MMP24: variants seen among roughly 807,000 people sequenced by gnomAD.
The protein encoded by MMP24 is matrix metalloproteinase-24.
In MMP24, 25 loss-of-function variants were observed where a neutral mutation model predicts 62.8. The ratio of observed to expected loss-of-function variants is 0.40; its 90% confidence interval spans 0.29 to 0.56. MMP24 has a LOEUF of 0.56. Ranked by LOEUF, MMP24 falls within the 20% of genes least tolerant of loss-of-function variation. The probability of loss-of-function intolerance (pLI) is 0.50; values close to 1 mark genes in which losing one functional copy is unlikely to be tolerated. For synonymous variants in MMP24, 319 were observed against 350.5 expected (o/e 0.91, Z 1.00); for missense variants, 634 against 853.6 (o/e 0.74, Z 3.21).
intron 4 of MMP24, among the ~76,000 whole-genome samples, chr20:35,256,644 G>A (rs564273565): frequency 6.7e-6 from 1 of 150,128 alleles, no homozygotes; most frequent in Non-Finnish European, 1.5e-5. Flanking sequence ...CCTTGAACCC[G>A]GGAGGCGGAG....
Position 35,275,846 on chromosome 20 carries a change from C to A in MMP24, c.*1237C>A. On this transcript the variant is annotated 3_prime_UTR_variant, in exon 9 of 9. Coordinates refer to ENST00000246186, the MANE Select transcript of MMP24 (RefSeq NM_006690.4). ...ACTGCTCTTAGAAGGACACCCCTAC[C>A]GGTAGCAGCCCCAAGCTGAGGGGGC... is the stretch of plus-strand genomic sequence containing the variant. 1 of 396,456 alleles carries A rather than the reference C, an allele frequency of 2.5e-6. No homozygotes were observed. Among genetic ancestry groups the A allele is most frequent in the South Asian group, 1.4e-4 (1 of 6,998 alleles). 24.6% of individuals were successfully genotyped at this position (396,456 alleles called of 1,614,324 possible).
Position 35,248,772 on chromosome 20 carries a change from TG to T in MMP24, c.395+1786del, listed in dbSNP as rs200019861. Among the ~76,000 whole-genome samples the T allele has an allele frequency of 5.2e-3, 795 of 152,320 alleles. 3 individuals carry two copies. The highest frequency in any genetic ancestry group is 8.6e-3 in the Non-Finnish European group (583 of 68,028). The stretch of plus-strand genomic sequence containing the variant: ...GAATACAGTGGACTCCTTGGCCCCG[TG>T]GTCTCCAGAGTGGGCTGGTTAAAGA... On this transcript the variant is annotated intron_variant, in intron 2 of 8. Coordinates refer to ENST00000246186, the MANE Select transcript of MMP24 (RefSeq NM_006690.4).
At chr20:35,262,227 TA>T (rs1395804125) in intron 4 of MMP24, among the ~76,000 whole-genome samples, 4 of 152,024 alleles carry the variant, frequency 2.6e-5, no homozygotes, top group Non-Finnish European at 5.9e-5. Context: ...GAGAAAGAAA[TA>T]AGGGGACCCA....
intron 1 of MMP24, among the ~76,000 whole-genome samples, chr20:35,230,875 C>T (rs1468551183): frequency 6.6e-6 from 1 of 152,176 alleles, no homozygotes; most frequent in African/African-American, 2.4e-5. Flanking sequence ...CATTTCGTAT[C>T]TATGATCTTT....
chr20:35,259,897 A>C (rs1414290469), intron 4 of MMP24, among the ~76,000 whole-genome samples: 1 of 152,142 alleles, frequency 6.6e-6, no homozygotes, highest in East Asian at 1.9e-4. Flanking sequence ...TCAGCGCATT[A>C]CACACCCTGC....
chr20:35,243,140 C>CT (rs1214773794), intron 1 of MMP24, among the ~76,000 whole-genome samples: 1 of 152,108 alleles, frequency 6.6e-6, no homozygotes, highest in African/African-American at 2.4e-5. Flanking sequence ...GATCACACCA[C>CT]TGCACTCCAG....
chr20:35,274,211 C>T lies in MMP24; in HGVS notation c.1601-61C>T. The T allele has an allele frequency of 1.3e-6, 2 of 1,498,346 alleles. No homozygotes were observed. Among genetic ancestry groups the T allele is most frequent in the Admixed American group, 1.8e-5 (1 of 56,022 alleles). The allele number at this position is 1,498,346 out of a possible 1,614,324, so 92.8% of individuals were successfully genotyped here. A position where few individuals can be genotyped will look rare whatever the true frequency, so the allele number is the denominator to read the frequency against. The stretch of plus-strand genomic sequence containing the variant: ...CAGTGCCTGTGCCCTCCTTTTCACA[C>T]TGCCCCAGAGCAGGTGCCGGAAGTG... On this transcript the variant is annotated intron_variant, in intron 8 of 8. Transcript: ENST00000246186. The surrounding 1 kb of genome is among the most constrained non-coding windows in gnomAD (Gnocchi z 5.1).
At chr20:35,230,966 C>T (rs1156370422) in intron 1 of MMP24, among the ~76,000 whole-genome samples, 1 of 152,156 alleles carries the variant, frequency 6.6e-6, no homozygotes, top group African/African-American at 2.4e-5. Context: ...AACCCCCGAC[C>T]CCTTGAAGCT....
At chr20:35,248,301 C>G (rs1174692885) in intron 2 of MMP24, among the ~76,000 whole-genome samples, 1 of 146,272 alleles carries the variant, frequency 6.8e-6, no homozygotes, top group African/African-American at 2.7e-5. Context: ...CTAGATTCCC[C>G]CCCCCTTTTT....
chr20:35,276,248 CCT>C lies in MMP24; in HGVS notation c.*1640_*1641del, dbSNP rs1162867637. 54 of 399,048 alleles carry C rather than the reference CCT, an allele frequency of 1.4e-4. No individual in the cohort carries two copies. In the East Asian group the frequency reaches 1.5e-3, roughly 11 times the overall value. 24.7% of individuals were successfully genotyped at this position (399,048 alleles called of 1,614,324 possible). Reference sequence around the variant, plus strand: ...GTGCCCATGTGGGTCCGCTGTGTCCCCTGTCATCATCCTTGTTTTTTCTCATT... The same window carrying C: ...GTGCCCATGTGGGTCCGCTGTGTCCCGTCATCATCCTTGTTTTTTCTCATT... On this transcript the variant is annotated 3_prime_UTR_variant, in exon 9 of 9. Coordinates refer to ENST00000246186, the MANE Select transcript of MMP24 (RefSeq NM_006690.4).
chr20:35,232,541 G>A (rs2060442671), intron 1 of MMP24, among the ~76,000 whole-genome samples: 1 of 152,210 alleles, frequency 6.6e-6, no homozygotes, highest in South Asian at 2.1e-4. Flanking sequence ...CCCCAGTTGA[G>A]GTTCGGGAAG....
chr20:35,276,340 G>A lies in MMP24; in HGVS notation c.*1731G>A. The A allele has an allele frequency of 2.5e-6, 1 of 399,066 alleles. No individual in the cohort carries two copies. The highest frequency in any genetic ancestry group is 4.4e-6 in the Non-Finnish European group (1 of 226,070). 24.7% of individuals were successfully genotyped at this position (399,066 alleles called of 1,614,324 possible). A position where few individuals can be genotyped will look rare whatever the true frequency, so the allele number is the denominator to read the frequency against. ...CTGCGGAGATATTAGTGATTCATAG[G>A]TTTGTACAGTGTTTTATACTTTGCA... On this transcript the variant is annotated 3_prime_UTR_variant, in exon 9 of 9. Transcript: ENST00000246186.
intron 1 of MMP24, among the ~76,000 whole-genome samples, chr20:35,240,090 T>G (rs2060482359): frequency 6.6e-6 from 1 of 152,244 alleles, no homozygotes; most frequent in Non-Finnish European, 1.5e-5. Context: ...TTTAGGGCTC[T>G]GGATACTTGT....
rs2060659461 is a variant in MMP24, at chr20:35,269,954, T to C, written c.1333+56T>C. The C allele has an allele frequency of 6.5e-7, 1 of 1,545,178 alleles. No homozygotes were observed. Among genetic ancestry groups the C allele is most frequent in the Admixed American group, 2.0e-5 (1 of 50,512 alleles). On this transcript the variant is annotated intron_variant, in intron 7 of 8. Transcript: ENST00000246186. The surrounding 1 kb of genome is among the most constrained non-coding windows in gnomAD (Gnocchi z 4.6). ...CTGCCCAAGGTCTTGGGACCTCCTT[T>C]TTCCCATCTAAACTGGAAGAGGCGG...
At position 35,276,381 on chromosome 20, in the gene MMP24, T is replaced by C. The variant is rs2060706103; in HGVS notation, c.*1772T>C. The stretch of plus-strand genomic sequence containing the variant: ...ATACTTTGCAAAGCACTTTATTAGC[T>C]CACACCTGTCCACTCACATGAAACT... On this transcript the variant is annotated 3_prime_UTR_variant, in exon 9 of 9. Transcript: ENST00000246186. The C allele has an allele frequency of 2.5e-6, 1 of 398,492 alleles. No individual in the cohort carries two copies. Among genetic ancestry groups the C allele is most frequent in the South Asian group, 1.3e-4 (1 of 7,514 alleles). The allele number at this position is 398,492 out of a possible 1,614,324, so 24.7% of individuals were successfully genotyped here. A position where few individuals can be genotyped will look rare whatever the true frequency, so the allele number is the denominator to read the frequency against.
At chr20:35,268,645 T>G (rs918136187) in intron 6 of MMP24, among the ~76,000 whole-genome samples, 1 of 152,258 alleles carries the variant, frequency 6.6e-6, no homozygotes, top group Non-Finnish European at 1.5e-5. Flanking sequence ...AAATCATGCT[T>G]CTTCTTCTGC....
chr20:35,226,760 C>G lies in MMP24; in HGVS notation c.22C>G (p.Arg8Gly). 1 of 853,966 alleles carries G rather than the reference C, an allele frequency of 1.2e-6. No homozygotes were observed. The highest frequency in any genetic ancestry group is 1.4e-6 in the Non-Finnish European group (1 of 720,728). 52.9% of individuals were successfully genotyped at this position (853,966 alleles called of 1,614,324 possible). The change falls in exon 1 of 9, where the codon CGC (arginine) becomes GGC (glycine). Residue 8 changes from arginine to glycine, a missense_variant. This residue lies in a region of MMP24 where 212 missense variants were observed against 259.6 expected (regional missense o/e 0.82). Coordinates refer to ENST00000246186, the MANE Select transcript of MMP24 (RefSeq NM_006690.4). MPRSRGG[R>G]AAPGPPPPPP... ...CGGGATGCCGAGGAGCCGGGGCGGCCGCGCCGCGCCGGGGCCGCCGCCGCC... is the reference window on the plus strand; with the variant it reads ...CGGGATGCCGAGGAGCCGGGGCGGCGGCGCCGCGCCGGGGCCGCCGCCGCC...
Position 35,276,641 on chromosome 20 carries a change from T to C in MMP24, c.*2032T>C, listed in dbSNP as rs983240217. On this transcript the variant is annotated 3_prime_UTR_variant, in exon 9 of 9. Coordinates refer to ENST00000246186, the MANE Select transcript of MMP24 (RefSeq NM_006690.4). ...CTCCTCAGGTTGGTGCTCTCACTTC[T>C]TGAAAGCTCTAGGCACCCCCGCCTC... The C allele has an allele frequency of 2.0e-5, 4 of 201,132 alleles. No homozygotes were observed. Among genetic ancestry groups the C allele is most frequent in the African/African-American group, 9.2e-5 (4 of 43,466 alleles). 12.5% of individuals were successfully genotyped at this position (201,132 alleles called of 1,614,324 possible).
At position 35,271,475 on chromosome 20, in the gene MMP24, G is replaced by A; in HGVS notation, c.1334-94G>A. ...CCAACTCTAACTGGGCCAAGGGGCT[G>A]AGGGCATCAGACTGTTTTCACCTGA... On this transcript the variant is annotated intron_variant, in intron 7 of 8. Transcript: ENST00000246186. This position sits in a 1 kb window ranked among gnomAD's most constrained non-coding sequence, Gnocchi z 4.0. 4 of 1,460,842 alleles carry A rather than the reference G, an allele frequency of 2.7e-6. No homozygotes were observed. In the South Asian group the frequency reaches 5.5e-5, roughly 20 times the overall value. 90.5% of individuals were successfully genotyped at this position (1,460,842 alleles called of 1,614,324 possible).
Sources: gnomAD v4.1 joint callset for allele counts (sites outside exome capture counted in the v4.1 genomes callset) on GRCh38, gnomAD v4.1.1 for gene constraint, gnomAD v4.1.1 regional missense constraint, Gnocchi (gnomAD v3.1) non-coding constraint, MANE v1.5 for transcripts, NCBI Gene and HGNC (gene_info 2026-07-23, HGNC 2026-07-21) for gene names.